NECAB1: variants seen among roughly 807,000 people sequenced by gnomAD.
NECAB1 encodes N-terminal EF-hand calcium-binding protein 1.
In NECAB1, 29 loss-of-function variants were observed where a neutral mutation model predicts 57.5. The ratio of observed to expected loss-of-function variants is 0.50; its 90% confidence interval spans 0.38 to 0.69. The LOEUF is 0.69. NECAB1 is among the 30% of genes least tolerant of loss of function. NECAB1 has a pLI of 0.00. For synonymous variants in NECAB1, 142 were observed against 147.7 expected (o/e 0.96, Z 0.28); for missense variants, 372 against 413.8 (o/e 0.90, Z 0.88).
chr8:90,824,567 A>G, intron 2 of NECAB1, 150 bp from the exon 3 acceptor site: 7 of 465,304 alleles, frequency 1.5e-5, no homozygotes, highest in Middle Eastern at 1.2e-3. Flanking sequence ...GATATATTAA[A>G]TTATTTTTCT....
chr8:90,856,211 A>AT (rs1563507036), intron 3 of NECAB1, among the ~76,000 whole-genome samples: 2 of 152,144 alleles, frequency 1.3e-5, no homozygotes, highest in African/African-American at 2.4e-5. Flanking sequence ...ACATTTTCAA[A>AT]TTTTTTAAAG....
At chr8:90,861,813 A>T (rs1808391709) in intron 3 of NECAB1, among the ~76,000 whole-genome samples, 2 of 152,194 alleles carry the variant, frequency 1.3e-5, no homozygotes, top group Admixed American at 6.5e-5. Flanking sequence ...GGTAAATGGG[A>T]GAGCCAGGGC....
chr8:90,842,776 G>A (rs1292881550), intron 3 of NECAB1, among the ~76,000 whole-genome samples: 1 of 152,218 alleles, frequency 6.6e-6, no homozygotes, highest in Non-Finnish European at 1.5e-5. Context: ...AGAACATTAT[G>A]CATGATTTTT....
At chr8:90,913,784 G>T (rs1398057653) in intron 5 of NECAB1, among the ~76,000 whole-genome samples, 1 of 152,186 alleles carries the variant, frequency 6.6e-6, no homozygotes, top group Non-Finnish European at 1.5e-5. Context: ...CTGCATATCT[G>T]AGAAAAGGGA....
At chr8:90,808,262 T>C (rs1811887254) in intron 2 of NECAB1, among the ~76,000 whole-genome samples, 1 of 152,174 alleles carries the variant, frequency 6.6e-6, no homozygotes. Flanking sequence ...TCCCAAAACG[T>C]GGCTGCTACC....
chr8:90,946,160 A>T (rs1810800713), intron 10 of NECAB1, among the ~76,000 whole-genome samples: 1 of 152,204 alleles, frequency 6.6e-6, no homozygotes, highest in Non-Finnish European at 1.5e-5. Flanking sequence ...ATTGCCCCAT[A>T]TTGGTCTTTT....
chr8:90,910,431 C>T (rs887015091), intron 5 of NECAB1, among the ~76,000 whole-genome samples: 1 of 152,042 alleles, frequency 6.6e-6, no homozygotes, highest in Non-Finnish European at 1.5e-5. Context: ...AAGTTGTGTT[C>T]AAAATTGTTT....
At chr8:90,864,884 C>T (rs1054526898) in intron 3 of NECAB1, among the ~76,000 whole-genome samples, 4 of 152,020 alleles carry the variant, frequency 2.6e-5, no homozygotes, top group Admixed American at 2.6e-4. Context: ...TTCTAACGGC[C>T]CCACTTATTC....
At chr8:90,861,239 G>A (rs1202355475) in intron 3 of NECAB1, among the ~76,000 whole-genome samples, 13 of 152,124 alleles carry the variant, frequency 8.5e-5, no homozygotes, top group Non-Finnish European at 8.8e-5. Flanking sequence ...CCAAGGAGAG[G>A]TTGACCCACA....
At chr8:90,955,140 A>C (rs1251987073) in intron 12 of NECAB1, among the ~76,000 whole-genome samples, 3 of 128,648 alleles carry the variant, frequency 2.3e-5, no homozygotes, top group African/African-American at 9.0e-5. Flanking sequence ...ATATATATAT[A>C]TATATATATG....
chr8:90,913,007 C>T (rs1809864580), intron 5 of NECAB1, among the ~76,000 whole-genome samples: 2 of 152,094 alleles, frequency 1.3e-5, no homozygotes, highest in South Asian at 4.1e-4. Flanking sequence ...TATCTGACCT[C>T]ATAAACAAGA....
At chr8:90,893,564 G>A (rs1031574896) in intron 5 of NECAB1, among the ~76,000 whole-genome samples, 5 of 152,172 alleles carry the variant, frequency 3.3e-5, no homozygotes, top group South Asian at 2.1e-4. Flanking sequence ...TAGGGAGAAC[G>A]TGAAAAGGGA....
At chr8:90,868,827 G>A (rs1052343637) in intron 3 of NECAB1, among the ~76,000 whole-genome samples, 6 of 152,246 alleles carry the variant, frequency 3.9e-5, no homozygotes, top group African/African-American at 1.2e-4. Context: ...GCAGGAATTT[G>A]CATAAGTATA....
At chr8:90,884,082 T>C (rs1454978529) in intron 5 of NECAB1, among the ~76,000 whole-genome samples, 2 of 152,204 alleles carry the variant, frequency 1.3e-5, no homozygotes, top group African/African-American at 4.8e-5. Flanking sequence ...GGTTTGTTAG[T>C]TACTTTAATG....
chr8:90,866,090 C>T (rs1808507823), intron 3 of NECAB1, among the ~76,000 whole-genome samples: 1 of 152,182 alleles, frequency 6.6e-6, no homozygotes, highest in African/African-American at 2.4e-5. Flanking sequence ...CTTCTAATCT[C>T]CCAATTCTGC....
chr8:90,860,202 G>A (rs963658461), intron 3 of NECAB1, among the ~76,000 whole-genome samples: 2 of 151,634 alleles, frequency 1.3e-5, no homozygotes, highest in Admixed American at 1.3e-4. Flanking sequence ...GGAGGGTCAT[G>A]GCCCTGGCAT....
chr8:90,936,915 A>G (rs188065554), intron 9 of NECAB1, among the ~76,000 whole-genome samples: 33 of 152,268 alleles, frequency 2.2e-4, no homozygotes, highest in African/African-American at 7.5e-4. Context: ...ACTTTGTGAT[A>G]TAAGTACCAC....
chr8:90,791,874 A>T lies in NECAB1; in HGVS notation c.-13A>T, dbSNP rs368331447. On this transcript the variant is annotated 5_prime_UTR_variant, in exon 1 of 13. Coordinates refer to ENST00000417640, the MANE Select transcript of NECAB1 (RefSeq NM_022351.5). Reference sequence around the variant, plus strand: ...TAGCCCCGCTCCGCCTGAGGCCGTCAGGGCTCCCGAGGATGGAAGATTCCC... The same window carrying T: ...TAGCCCCGCTCCGCCTGAGGCCGTCTGGGCTCCCGAGGATGGAAGATTCCC... 3 of 1,547,744 alleles carry T rather than the reference A, an allele frequency of 1.9e-6. No homozygotes were observed. The highest frequency in any genetic ancestry group is 3.9e-5 in the Admixed American group (2 of 50,988).
chr8:90,945,214 C>T (rs984723193), intron 10 of NECAB1, among the ~76,000 whole-genome samples: 13 of 152,090 alleles, frequency 8.5e-5, no homozygotes, highest in Admixed American at 7.2e-4. Context: ...ACTATAGGTG[C>T]GTGCTGCCAC....
Sources: allele counts gnomAD v4.1 joint callset (sites outside exome capture counted in the v4.1 genomes callset), GRCh38; gene constraint gnomAD v4.1.1; transcripts MANE v1.5; gene names NCBI Gene and HGNC (gene_info 2026-07-23, HGNC 2026-07-21).